SDHC: variants seen among roughly 807,000 people sequenced by gnomAD.
The protein encoded by SDHC is succinate dehydrogenase complex subunit C.
A neutral mutation model predicts 22.6 loss-of-function variants in SDHC; 11 were observed. That is an observed-to-expected ratio of 0.49 (90% confidence interval 0.31 to 0.81). SDHC has a LOEUF of 0.81. Among genes scored for constraint, SDHC ranks in the 30% least tolerant of loss-of-function variants. The pLI, the probability that SDHC is intolerant of heterozygous loss-of-function variation, is 0.05. For synonymous variants in SDHC, 80 were observed against 77.8 expected (o/e 1.03, Z -0.15); for missense variants, 160 against 212.0 (o/e 0.75, Z 1.52).
intron 1 of SDHC, among the ~76,000 whole-genome samples, chr1:161,320,144 A>C (rs1670788769): frequency 6.6e-6 from 1 of 152,222 alleles, no homozygotes; most frequent in Non-Finnish European, 1.5e-5. Context: ...GTGAGAAACG[A>C]AGAGGATATA....
intron 3 of SDHC, among the ~76,000 whole-genome samples, chr1:161,328,917 T>C (rs759936953): frequency 6.6e-6 from 1 of 152,054 alleles, no homozygotes; most frequent in Non-Finnish European, 1.5e-5. Context: ...ATTCTTCTTC[T>C]TTTTTTTCTG....
At chr1:161,342,853 G>A (rs1170083565) in intron 4 of SDHC, among the ~76,000 whole-genome samples, 1 of 152,068 alleles carries the variant, frequency 6.6e-6, no homozygotes, top group African/African-American at 2.4e-5. Context: ...GCCTAGAATC[G>A]GTATGAAATT....
intron 4 of SDHC, among the ~76,000 whole-genome samples, chr1:161,352,267 A>G (rs976865055): frequency 3.9e-5 from 6 of 152,212 alleles, no homozygotes; most frequent in East Asian, 3.8e-4. Context: ...GTAGCTTTCA[A>G]TTGAATTAAC....
chr1:161,356,918 G>T, intron 5 of SDHC, 78 bp downstream of exon 5: 2 of 1,443,966 alleles, frequency 1.4e-6, no homozygotes, highest in South Asian at 1.1e-5. Flanking sequence ...TTCATTACTG[G>T]GTTTAGTGCT....
intron 4 of SDHC, among the ~76,000 whole-genome samples, chr1:161,342,591 C>T (rs1242580646): frequency 6.6e-6 from 1 of 151,916 alleles, no homozygotes; most frequent in Non-Finnish European, 1.5e-5. Flanking sequence ...TCACTGCAAC[C>T]TCATGAGACC....
intron 3 of SDHC, among the ~76,000 whole-genome samples, chr1:161,330,686 T>C (rs758601323): frequency 1.5e-4 from 23 of 152,206 alleles, no homozygotes; most frequent in Non-Finnish European, 2.9e-4. Flanking sequence ...GCAGTATTTC[T>C]GTTGGTATAA....
intron 3 of SDHC, among the ~76,000 whole-genome samples, chr1:161,328,708 C>T (rs943049840): frequency 6.6e-6 from 1 of 152,166 alleles, no homozygotes; most frequent in South Asian, 2.1e-4. Context: ...CTTGTCATTA[C>T]AAGGGTAATC....
At chr1:161,333,679 G>A (rs1671368759) in intron 3 of SDHC, among the ~76,000 whole-genome samples, 1 of 152,204 alleles carries the variant, frequency 6.6e-6, no homozygotes, top group Admixed American at 6.5e-5. Flanking sequence ...TGGGATTACA[G>A]GCATGAGCCA....
chr1:161,360,920 C>T (rs896735598), intron 5 of SDHC, among the ~76,000 whole-genome samples: 2 of 152,054 alleles, frequency 1.3e-5, no homozygotes, highest in East Asian at 3.9e-4. Context: ...TGAGACCATC[C>T]TGGCCAACAT....
intron 4 of SDHC, among the ~76,000 whole-genome samples, chr1:161,347,594 G>T (rs12750496): frequency 6.6e-6 from 1 of 151,532 alleles, no homozygotes; most frequent in Non-Finnish European, 1.5e-5. Context: ...GGGGCCAGGC[G>T]CGGTGGCTCA....
intron 2 of SDHC, among the ~76,000 whole-genome samples, chr1:161,323,955 C>G (rs929808864): frequency 6.6e-6 from 1 of 152,120 alleles, no homozygotes; most frequent in South Asian, 2.1e-4. Flanking sequence ...CTCGGCCTCC[C>G]AAAGTGCTGG....
chr1:161,356,852 C>T lies in SDHC; in HGVS notation c.405+12C>T, dbSNP rs575479448. 69 of 1,612,700 alleles carry T rather than the reference C, an allele frequency of 4.3e-5. No individual in the cohort carries two copies. The highest frequency in any genetic ancestry group is 4.6e-5 in the Non-Finnish European group (54 of 1,178,996). On this transcript the variant is annotated intron_variant, in intron 5 of 5. Coordinates refer to ENST00000367975, the MANE Select transcript of SDHC (RefSeq NM_003001.5). ...GGATCCGACACTTGGTAAGTTAATT[C>T]GGGATTTGCACATTTTCTCTGTGAA...
intron 4 of SDHC, among the ~76,000 whole-genome samples, chr1:161,342,107 T>C (rs1437845014): frequency 2.0e-5 from 3 of 152,250 alleles, no homozygotes; most frequent in Non-Finnish European, 4.4e-5. Flanking sequence ...GTATTTCAAC[T>C]GGCATTTCTG....
intron 3 of SDHC, among the ~76,000 whole-genome samples, chr1:161,337,461 A>G (rs78556724): frequency 0.13 from 19,264 of 152,186 alleles, 1,498 homozygotes; most frequent in African/African-American, 0.21. Context: ...TAAGTCATGC[A>G]GCATTACTTC....
At chr1:161,339,524 A>G (rs1483367242) in intron 3 of SDHC, 1 of 1,198,164 alleles carries the variant, frequency 8.3e-7, no homozygotes, top group Admixed American at 2.5e-5. Context: ...CTCCTTGCGA[A>G]AGGAGTTTTG....
chr1:161,337,265 G>C (rs72714981), intron 3 of SDHC, among the ~76,000 whole-genome samples: 19,254 of 152,066 alleles, frequency 0.13, 1,499 homozygotes, highest in African/African-American at 0.21. Flanking sequence ...CATGGTGCCC[G>C]AGGCCTCAGC....
intron 4 of SDHC, among the ~76,000 whole-genome samples, chr1:161,355,500 G>C (rs1171561412): frequency 6.6e-6 from 1 of 151,998 alleles, no homozygotes; most frequent in African/African-American, 2.4e-5. Context: ...TATGATTTTG[G>C]TGTCATCTGT....
chr1:161,317,550 GTTTTTTTTTTTTTTTT>G (rs34457815), intron 1 of SDHC, among the ~76,000 whole-genome samples: 10 of 59,892 alleles, frequency 1.7e-4, no homozygotes, highest in Non-Finnish European at 5.8e-5. Context: ...TGTGTGTGTG[GTTTTTTTTTTTTTTTT>G]TTTTTTTTTT....
intron 4 of SDHC, among the ~76,000 whole-genome samples, chr1:161,348,666 CAAAA>C (rs1159653901): frequency 2.8e-5 from 2 of 70,916 alleles, no homozygotes; most frequent in Admixed American, 1.7e-4. Flanking sequence ...ACTAAAAATC[CAAAA>C]AAAAAAAAAA....
Sources: allele counts gnomAD v4.1 joint callset (sites outside exome capture counted in the v4.1 genomes callset), GRCh38; gene constraint gnomAD v4.1.1; transcripts MANE v1.5; gene names NCBI Gene and HGNC (gene_info 2026-07-23, HGNC 2026-07-21).